The following MRM1 variants were observed in gnomAD, a reference collection of about 807,000 sequenced individuals.
MRM1 encodes rRNA methyltransferase 1, mitochondrial.
A neutral mutation model predicts 25.0 loss-of-function variants in MRM1; 24 were observed. The observed-to-expected ratio is 0.96, with a 90% CI of 0.69 to 1.35. MRM1 has a LOEUF of 1.35. MRM1 is among the 40% of genes most tolerant of loss of function. The probability of loss-of-function intolerance (pLI) is 0.00; values close to 1 mark genes in which losing one functional copy is unlikely to be tolerated. For synonymous variants in MRM1, 188 were observed against 199.2 expected (o/e 0.94, Z 0.47); for missense variants, 431 against 464.1 (o/e 0.93, Z 0.65).
At position 36,608,013 on chromosome 17, in the gene MRM1, C is replaced by T. The variant is rs1196238331; in HGVS notation, c.884C>T (p.Ala295Val). 6.2e-7 allele frequency: 1 copy of T among 1,614,046 alleles called. No individual in the cohort carries two copies. Among genetic ancestry groups the T allele is most frequent in the East Asian group, 2.2e-5 (1 of 44,882 alleles). Residue 295 changes from alanine (A) to valine (V), a missense_variant, in exon 4 of 5, where the codon GCT becomes GTT. Coordinates refer to ENST00000614766, the MANE Select transcript of MRM1 (RefSeq NM_024864.5). ...PGLESLNVSV[A>V]AGILLHSICS... is the part of the protein sequence containing the mutation. ...CTTGAGTCCTTGAACGTCTCTGTGGCTGCAGGTGAGTCTACTCCCCTTTCC... is the reference window on the plus strand; with the variant it reads ...CTTGAGTCCTTGAACGTCTCTGTGGTTGCAGGTGAGTCTACTCCCCTTTCC...
the MRM1 span, among the ~76,000 whole-genome samples, chr17:36,629,181 G>A: frequency 6.6e-6 from 1 of 152,184 alleles, no homozygotes; most frequent in African/African-American, 2.4e-5. Flanking sequence ...TCTTCGAAAG[G>A]TCATTTTAAG....
At position 36,608,318 on chromosome 17, in the gene MRM1, A is replaced by G. The variant is rs2142842489; in HGVS notation, c.965A>G (p.Asp322Gly). The G allele has an allele frequency of 8.7e-6, 14 of 1,608,338 alleles. No individual in the cohort carries two copies. Among genetic ancestry groups the G allele is most frequent in the Non-Finnish European group, 1.2e-5 (14 of 1,177,314 alleles). Residue 322 changes from aspartate (D) to glycine (G), a missense_variant, in exon 5 of 5, where the codon GAC becomes GGC. By Grantham distance (94) the Asp-to-Gly change is moderately conservative. Coordinates refer to ENST00000614766, the MANE Select transcript of MRM1 (RefSeq NM_024864.5). ...GGGGAGAGAAGGCAGCTTCTCCAAG[A>G]CCCCCAAGAACCCTCAGCCAGGTCT... ...TEGERRQLLQ[D>G]PQEPSARSEG...
chr17:36,617,642 C>G, the MRM1 span, among the ~76,000 whole-genome samples: 1 of 152,094 alleles, frequency 6.6e-6, no homozygotes, highest in Non-Finnish European at 1.5e-5. Context: ...GTGATCCACC[C>G]GCTTTGGCTT....
chr17:36,622,436 G>C, the MRM1 span, among the ~76,000 whole-genome samples: 1,405 of 152,184 alleles, frequency 9.2e-3, 12 homozygotes, highest in Middle Eastern at 0.014. Flanking sequence ...GCTGGGCATG[G>C]TGGTGCGCAC....
the MRM1 span, among the ~76,000 whole-genome samples, chr17:36,628,018 T>C: frequency 6.6e-6 from 1 of 152,176 alleles, no homozygotes; most frequent in Non-Finnish European, 1.5e-5. Flanking sequence ...CTAGCTGTTA[T>C]AGTAATAAGT....
At position 36,601,815 on chromosome 17, in the gene MRM1, C is replaced by T; in HGVS notation, c.5C>T (p.Ala2Val). 1 of 1,546,758 alleles carries T rather than the reference C, an allele frequency of 6.5e-7. No individual in the cohort carries two copies. Among genetic ancestry groups the T allele is most frequent in the Non-Finnish European group, 8.7e-7 (1 of 1,147,590 alleles). ...GTCCCTGGCGGGAGCTGCGCCATGG[C>T]ATTGCTCTCGACCGTCCGGGGCGCG... M[A>V]LLSTVRGATW... is the part of the protein sequence containing the mutation. The change falls in exon 1 of 5, where the codon GCA becomes GTA. Residue 2 changes from alanine (A) to valine (V), a missense_variant. Physicochemically the swap from Ala to Val is moderately conservative, Grantham distance 64. Coordinates refer to ENST00000614766, the MANE Select transcript of MRM1 (RefSeq NM_024864.5).
At chr17:36,615,266 T>A in the MRM1 span, among the ~76,000 whole-genome samples, 8 of 152,144 alleles carry the variant, frequency 5.3e-5, no homozygotes, top group African/African-American at 1.7e-4. Context: ...CTGGCCCTTC[T>A]CCCCCTTCGG....
At chr17:36,605,884 T>A (rs141434736) in intron 2 of MRM1, among the ~76,000 whole-genome samples, 1 of 152,208 alleles carries the variant, frequency 6.6e-6, no homozygotes, top group Non-Finnish European at 1.5e-5. Context: ...CCTGGCCTCC[T>A]TTCTTCTGCT....
At chr17:36,624,320 T>C in the MRM1 span, among the ~76,000 whole-genome samples, 1 of 152,168 alleles carries the variant, frequency 6.6e-6, no homozygotes, top group Non-Finnish European at 1.5e-5. This position sits in a 1 kb window ranked among gnomAD's most constrained non-coding sequence, Gnocchi z 4.0. Context: ...TCAGAAGTCC[T>C]CCTGACTGTC....
chr17:36,603,023 GA>G (rs1185821306), intron 2 of MRM1: 2 of 984,940 alleles, frequency 2.0e-6, no homozygotes, highest in Admixed American at 1.2e-4. Context: ...AAGGATGTTT[GA>G]ACAAGAAGAT....
chr17:36,626,127 C>T, the MRM1 span, among the ~76,000 whole-genome samples: 5 of 152,296 alleles, frequency 3.3e-5, no homozygotes, highest in East Asian at 1.9e-4. Context: ...TTCCCCTCCC[C>T]GCCCCCGGAC....
At chr17:36,624,814 C>G in the MRM1 span, among the ~76,000 whole-genome samples, 12 of 152,138 alleles carry the variant, frequency 7.9e-5, no homozygotes, top group African/African-American at 2.9e-4. This position sits in a 1 kb window ranked among gnomAD's most constrained non-coding sequence, Gnocchi z 4.0. Flanking sequence ...CAGTGAGGAG[C>G]GCAGGAAACG....
chr17:36,611,031 C>T (rs1567850582), downstream of MRM1, among the ~76,000 whole-genome samples: 2 of 152,146 alleles, frequency 1.3e-5, no homozygotes, highest in African/African-American at 2.4e-5. Context: ...CCAGGCTGGT[C>T]TCAAATTCCC....
chr17:36,625,757 C>T, the MRM1 span, among the ~76,000 whole-genome samples: 4,128 of 152,118 alleles, frequency 0.027, 82 homozygotes, highest in South Asian at 0.068. Context: ...CCACTGCACC[C>T]GGCCCCTTTT....
chr17:36,610,911 T>C (rs1296304094), downstream of MRM1, among the ~76,000 whole-genome samples: 1 of 152,098 alleles, frequency 6.6e-6, no homozygotes, highest in East Asian at 1.9e-4. Flanking sequence ...GCTCCTGGGT[T>C]CAAGCGGTTC....
chr17:36,604,509 G>T (rs1303372820), intron 2 of MRM1, among the ~76,000 whole-genome samples: 2 of 152,134 alleles, frequency 1.3e-5, no homozygotes, highest in African/African-American at 4.8e-5. Context: ...TGTTGTTGTT[G>T]TTAAGAGATG....
chr17:36,619,302 C>G, the MRM1 span, among the ~76,000 whole-genome samples: 1 of 152,204 alleles, frequency 6.6e-6, no homozygotes, highest in South Asian at 2.1e-4. Flanking sequence ...CGATGGGCAC[C>G]TGGGTTGCTT....
At chr17:36,614,408 T>C in the MRM1 span, among the ~76,000 whole-genome samples, 1 of 152,082 alleles carries the variant, frequency 6.6e-6, no homozygotes, top group Non-Finnish European at 1.5e-5. Context: ...ATAGAGGCAG[T>C]TTTATGTTGG....
chr17:36,618,341 G>C, the MRM1 span, among the ~76,000 whole-genome samples: 3 of 152,154 alleles, frequency 2.0e-5, no homozygotes, highest in Non-Finnish European at 2.9e-5. Context: ...GCAAGTCAGC[G>C]ACAACCAATA....
Sources: gnomAD v4.1 joint callset for allele counts (sites outside exome capture counted in the v4.1 genomes callset) on GRCh38, gnomAD v4.1.1 for gene constraint, Gnocchi (gnomAD v3.1) non-coding constraint, MANE v1.5 for transcripts, NCBI Gene and HGNC (gene_info 2026-07-23, HGNC 2026-07-21) for gene names.